RDH14: variants seen among roughly 807,000 people sequenced by gnomAD.
The protein encoded by RDH14 is alcohol dehydrogenase PAN2.
RDH14 carries 17 observed loss-of-function variants against 19.3 expected under a neutral mutation model. The ratio of observed to expected loss-of-function variants is 0.88; its 90% CI spans 0.60 to 1.32. The LOEUF (loss-of-function observed/expected upper bound fraction) is 1.32. RDH14 is among the 40% of genes most tolerant of loss of function. The pLI is 0.00. For synonymous variants in RDH14, 215 were observed against 188.9 expected, an observed-to-expected ratio of 1.14 and a Z score of -1.13; for missense variants, 534 against 449.2, an observed-to-expected ratio of 1.19 and a Z score of -1.71.
chr2:18,559,401 C>T (rs1256695039), intron 1 of RDH14, among the ~76,000 whole-genome samples: 2 of 152,206 alleles, frequency 1.3e-5, no homozygotes, highest in Admixed American at 6.5e-5. Flanking sequence ...CCTTCCTATG[C>T]CTCAGTTTCC....
intron 1 of RDH14, among the ~76,000 whole-genome samples, chr2:18,558,796 A>T (rs1663995066): frequency 6.6e-6 from 1 of 152,278 alleles, no homozygotes; most frequent in Non-Finnish European, 1.5e-5. Context: ...TGTATTCAGT[A>T]AAAGGCTAAT....
chr2:18,560,567 T>C lies in RDH14; in HGVS notation c.6A>G (p.Ala2=), dbSNP rs769770018. 1.1e-5 allele frequency: 16 copies of C among 1,478,798 alleles called. No individual in the cohort carries two copies. The African/African-American group carries it at 1.6e-4, about 15-fold the overall frequency. 91.6% of individuals were successfully genotyped at this position (1,478,798 alleles called of 1,614,324 possible). Reference sequence around the variant, plus strand: ...CCAGTACTGCCGCCGCAGTGGCCACTGCCATCGTCAGGCCCGAGGGCCCAC... The same window carrying C: ...CCAGTACTGCCGCCGCAGTGGCCACCGCCATCGTCAGGCCCGAGGGCCCAC... M[A]VATAAAVLAA... The change falls in exon 1 of 2, where the codon GCA becomes GCG. Residue 2 remains alanine (A), a synonymous_variant. Transcript: ENST00000381249.
chr2:18,555,317 T>C lies in RDH14; in HGVS notation c.885A>G (p.Val295=). 1 of 1,614,104 alleles carries C rather than the reference T, an allele frequency of 6.2e-7. No individual in the cohort carries two copies. The highest frequency in any genetic ancestry group is 1.1e-5 in the South Asian group (1 of 91,084). ...CAAAGTATCTTCCTGACACTCCTTC[T>C]ACCTCAGGTGAAGAGGCCAAATAAA... is the stretch of plus-strand genomic sequence containing the variant. ...TSIYLASSPE[V]EGVSGRYFGD... is the part of the protein sequence containing the mutation. The change falls in exon 2 of 2, where the codon GTA becomes GTG. Residue 295 remains valine (V), a synonymous_variant. Coordinates refer to ENST00000381249, the MANE Select transcript of RDH14 (RefSeq NM_020905.4).
chr2:18,560,171 G>A lies in RDH14; in HGVS notation c.393+9C>T, dbSNP rs1398020785. 14 of 1,526,432 alleles carry A rather than the reference G, an allele frequency of 9.2e-6. No individual in the cohort carries two copies. Among genetic ancestry groups the A allele is most frequent in the Non-Finnish European group, 1.1e-5 (13 of 1,143,178 alleles). 94.6% of individuals were successfully genotyped at this position (1,526,432 alleles called of 1,614,324 possible). A position where few individuals can be genotyped will look rare whatever the true frequency, so the allele number is the denominator to read the frequency against. On this transcript the variant is annotated intron_variant, in intron 1 of 1. Transcript: ENST00000381249. ...CCTCCCCACCAGCCCGGCCCCCCGA[G>A]GCCCACACCTGGAGCATTTCCTGGC...
In RDH14 at chr2:18,555,641, AATCCT is replaced by A. The variant is rs752442968; in HGVS notation, c.556_560del (p.Arg186CysfsTer9). The stretch of plus-strand genomic sequence containing the variant: ...TATAAAGTTTGGAAGAAACTACCAC[AATCCT>A]GCTGGGAGCTGAACTTTTGAGGAGT... On this transcript the variant is annotated frameshift_variant, in exon 2 of 2. Coordinates refer to ENST00000381249, the MANE Select transcript of RDH14 (RefSeq NM_020905.4). LOFTEE classifies it high-confidence loss of function. 1 of 1,614,092 alleles carries A rather than the reference AATCCT, an allele frequency of 6.2e-7. No homozygotes were observed. The highest frequency in any genetic ancestry group is 1.7e-5 in the Admixed American group (1 of 60,012).
At chr2:18,558,755 T>A (rs1663993792) in intron 1 of RDH14, among the ~76,000 whole-genome samples, 1 of 152,186 alleles carries the variant, frequency 6.6e-6, no homozygotes, top group South Asian at 2.1e-4. Context: ...ACATAAGTGA[T>A]TATTCCTCTA....
In RDH14 at chr2:18,555,798, C is replaced by T; in HGVS notation, c.404G>A (p.Arg135Lys). 1 of 1,598,028 alleles carries T rather than the reference C, an allele frequency of 6.3e-7. No individual in the cohort carries two copies. The highest frequency in any genetic ancestry group is 2.2e-5 in the East Asian group (1 of 44,526). The change falls in exon 2 of 2, where the codon AGG becomes AAG. Residue 135 changes from arginine (R) to lysine (K), a missense_variant. Arg to Lys is a conservative substitution (Grantham distance 26). Transcript: ENST00000381249. ...FCQEMLQEEPRLDVLINNAGI... is the reference protein window; with the variant it reads ...FCQEMLQEEPKLDVLINNAGI... ...TGCGTTATTGATCAAGACATCCAGC[C>T]TAGGCTCTTCCTTTAAATGTCAAAA...
In RDH14 at chr2:18,554,958, T is replaced by C. The variant is rs1663868064; in HGVS notation, c.*233A>G. ...TTTTACAATATAATTGTATTTTTCA[T>C]TGTACTTATTATTCATTATACTTAC... On this transcript the variant is annotated 3_prime_UTR_variant, in exon 2 of 2. Coordinates refer to ENST00000381249, the MANE Select transcript of RDH14 (RefSeq NM_020905.4). 5 of 444,170 alleles carry C rather than the reference T, an allele frequency of 1.1e-5. No individual in the cohort carries two copies. The highest frequency in any genetic ancestry group is 1.5e-5 in the Non-Finnish European group (4 of 259,312). 27.5% of individuals were successfully genotyped at this position (444,170 alleles called of 1,614,324 possible). A position where few individuals can be genotyped will look rare whatever the true frequency, so the allele number is the denominator to read the frequency against.
rs1171904829 is a variant in RDH14, at chr2:18,554,899, TA to T, written c.*291del. 3 of 277,026 alleles carry T rather than the reference TA, an allele frequency of 1.1e-5. No individual in the cohort carries two copies. Among genetic ancestry groups the T allele is most frequent in the African/African-American group, 6.6e-5 (3 of 45,400 alleles). 17.2% of individuals were successfully genotyped at this position (277,026 alleles called of 1,614,324 possible). A position where few individuals can be genotyped will look rare whatever the true frequency, so the allele number is the denominator to read the frequency against. On this transcript the variant is annotated 3_prime_UTR_variant, in exon 2 of 2. Coordinates refer to ENST00000381249, the MANE Select transcript of RDH14 (RefSeq NM_020905.4). ...CTTTGAGTCACTTAATTCTGACAAA[TA>T]TTAATATGTCATCCATGCTTGCCCA... is the stretch of plus-strand genomic sequence containing the variant.
intron 1 of RDH14, among the ~76,000 whole-genome samples, chr2:18,557,800 T>A (rs991421420): frequency 3.3e-5 from 5 of 152,204 alleles, no homozygotes; most frequent in African/African-American, 1.2e-4. Flanking sequence ...CAGCCCCATC[T>A]ATATTTTAAA....
chr2:18,560,566 C>G lies in RDH14; in HGVS notation c.7G>C (p.Val3Leu). 2 of 1,479,498 alleles carry G rather than the reference C, an allele frequency of 1.4e-6. No homozygotes were observed. The highest frequency in any genetic ancestry group is 2.8e-5 in the East Asian group (1 of 35,652). The allele number at this position is 1,479,498 out of a possible 1,614,324, so 91.6% of individuals were successfully genotyped here. Reference sequence around the variant, plus strand: ...GCCAGTACTGCCGCCGCAGTGGCCACTGCCATCGTCAGGCCCGAGGGCCCA... The same window carrying G: ...GCCAGTACTGCCGCCGCAGTGGCCAGTGCCATCGTCAGGCCCGAGGGCCCA... MAVATAAAVLAAL... is the reference protein window; with the variant it reads MALATAAAVLAAL... The change falls in exon 1 of 2, where the codon GTG becomes CTG. Residue 3 changes from valine (V) to leucine (L), a missense_variant. Val to Leu is a conservative substitution (Grantham distance 32). Coordinates refer to ENST00000381249, the MANE Select transcript of RDH14 (RefSeq NM_020905.4).
intron 1 of RDH14, among the ~76,000 whole-genome samples, chr2:18,558,123 T>A (rs976819369): frequency 2.0e-5 from 3 of 152,194 alleles, no homozygotes; most frequent in African/African-American, 7.2e-5. Context: ...TGGAGCTGAC[T>A]TTTAAGCAGC....
At position 18,555,040 on chromosome 2, in the gene RDH14, G is replaced by T; in HGVS notation, c.*151C>A. The T allele has an allele frequency of 2.5e-6, 3 of 1,218,150 alleles. No homozygotes were observed. The highest frequency in any genetic ancestry group is 1.5e-5 in the African/African-American group (1 of 65,796). The allele number at this position is 1,218,150 out of a possible 1,614,324, so 75.5% of individuals were successfully genotyped here. On this transcript the variant is annotated 3_prime_UTR_variant, in exon 2 of 2. Coordinates refer to ENST00000381249, the MANE Select transcript of RDH14 (RefSeq NM_020905.4). ...CTCTTATCCCAAAAATAATTTTTCAGTAACTCCAAAATACCCACATGTACC... is the reference window on the plus strand; with the variant it reads ...CTCTTATCCCAAAAATAATTTTTCATTAACTCCAAAATACCCACATGTACC...
chr2:18,559,283 T>G (rs547962393), intron 1 of RDH14, among the ~76,000 whole-genome samples: 4 of 152,312 alleles, frequency 2.6e-5, no homozygotes, highest in African/African-American at 9.6e-5. Context: ...GTGGAATTAC[T>G]TACCATTTGC....
In RDH14 at chr2:18,554,828, C is replaced by CTT. The variant is rs1663864566; in HGVS notation, c.*361_*362dup. ...AACATTGTAGTAAAACTAGTTAACA[C>CTT]TTTGGCCATGAAACTCAAAGATACT... On this transcript the variant is annotated 3_prime_UTR_variant, in exon 2 of 2. Coordinates refer to ENST00000381249, the MANE Select transcript of RDH14 (RefSeq NM_020905.4). 1 of 191,512 alleles carries CTT rather than the reference C, an allele frequency of 5.2e-6. No individual in the cohort carries two copies. The highest frequency in any genetic ancestry group is 1.1e-5 in the Non-Finnish European group (1 of 91,978). 11.9% of individuals were successfully genotyped at this position (191,512 alleles called of 1,614,324 possible).
chr2:18,555,401 G>A lies in RDH14; in HGVS notation c.801C>T (p.Leu267=). 6.2e-7 allele frequency: 1 copy of A among 1,614,076 alleles called. No individual in the cohort carries two copies. Among genetic ancestry groups the A allele is most frequent in the Non-Finnish European group, 8.5e-7 (1 of 1,179,982 alleles). ...HIHIPLLVKP[L]FNLVSWAFFK... ...AAAAAGCCCATGACACCAAATTGAA[G>A]AGTGGTTTGACCAACAGTGGAATGT... The change falls in exon 2 of 2, where the codon CTC becomes CTT. Residue 267 remains leucine (L), a synonymous_variant. Coordinates refer to ENST00000381249, the MANE Select transcript of RDH14 (RefSeq NM_020905.4).
In RDH14 at chr2:18,559,854, G is replaced by A. The variant is rs1367910600; in HGVS notation, c.393+326C>T. Among the ~76,000 whole-genome samples, 6 of 152,144 alleles carry A rather than the reference G, an allele frequency of 3.9e-5. No individual in the cohort carries two copies. The East Asian group carries it at 7.7e-4, about 20-fold the overall frequency. On this transcript the variant is annotated intron_variant, in intron 1 of 1. Coordinates refer to ENST00000381249, the MANE Select transcript of RDH14 (RefSeq NM_020905.4). ...TCTGACACAGGAAAAACAATTCAGA[G>A]GCCATGGATCTACTTCGGGGCGGTC...
At chr2:18,557,795 C>A (rs1281213112) in intron 1 of RDH14, among the ~76,000 whole-genome samples, 1 of 152,100 alleles carries the variant, frequency 6.6e-6, no homozygotes, top group African/African-American at 2.4e-5. Context: ...AAACCCAGCC[C>A]CATCTATATT....
chr2:18,558,853 C>T (rs1310856145), intron 1 of RDH14, among the ~76,000 whole-genome samples: 1 of 152,156 alleles, frequency 6.6e-6, no homozygotes, highest in Non-Finnish European at 1.5e-5. Context: ...CTACCTATGA[C>T]CTGGAAGCCC....
Sources: allele counts gnomAD v4.1 joint callset (sites outside exome capture counted in the v4.1 genomes callset), GRCh38; gene constraint gnomAD v4.1.1; transcripts MANE v1.5; gene names NCBI Gene and HGNC (gene_info 2026-07-23, HGNC 2026-07-21).